The following TBXAS1 variants were observed in gnomAD, a reference collection of about 807,000 sequenced individuals.
The protein encoded by TBXAS1 is thromboxane-A synthase.
Under a neutral mutation model 60.7 loss-of-function variants are expected in TBXAS1, and 48 were observed. The ratio of observed to expected loss-of-function variants is 0.79; its 90% confidence interval spans 0.63 to 1.01. TBXAS1 has a LOEUF of 1.01. Ranked by LOEUF, TBXAS1 falls within the 50% of genes least tolerant of loss-of-function variation. The pLI, the probability that TBXAS1 is intolerant of heterozygous loss-of-function variation, is 0.00. For missense variants in TBXAS1, 685 were observed against 686.3 expected (o/e 1.00, Z 0.02); for synonymous variants, 287 against 269.7 (o/e 1.06, Z -0.63).
At chr7:139,878,663 C>G (rs1802449939) in intron 3 of TBXAS1, among the ~76,000 whole-genome samples, 1 of 152,220 alleles carries the variant, frequency 6.6e-6, no homozygotes, top group South Asian at 2.1e-4. Flanking sequence ...TTTCTTACTG[C>G]TTAAATTTTA....
At chr7:139,783,707 G>A (rs1259333993) in intron 3 of TBXAS1, among the ~76,000 whole-genome samples, 1 of 152,200 alleles carries the variant, frequency 6.6e-6, no homozygotes, top group Admixed American at 6.5e-5. Flanking sequence ...GTGGACCTGT[G>A]CATTTCTGTA....
chr7:139,845,130 C>T (rs777267228), intron 1 of TBXAS1, among the ~76,000 whole-genome samples: 2 of 152,188 alleles, frequency 1.3e-5, no homozygotes, highest in Non-Finnish European at 2.9e-5. Context: ...TTCAAAATCA[C>T]TCCTTGGCTG....
At chr7:140,019,975 G>C (rs373921613) in intron 12 of TBXAS1, 50 bp from the exon 13 acceptor site, 4 of 1,565,002 alleles carry the variant, frequency 2.6e-6, no homozygotes, top group Admixed American at 1.7e-5. Context: ...CATTTGTACA[G>C]TGAGATGCTA....
At chr7:139,886,509 C>G (rs1457667230) in intron 3 of TBXAS1, among the ~76,000 whole-genome samples, 1 of 143,548 alleles carries the variant, frequency 7.0e-6, no homozygotes, top group African/African-American at 2.6e-5. Flanking sequence ...CAATTGTGGT[C>G]TTTTTTGTTA....
At chr7:140,016,382 T>G (rs1197790428) in intron 11 of TBXAS1, 1 of 248,314 alleles carries the variant, frequency 4.0e-6, no homozygotes, top group African/African-American at 2.4e-5. Flanking sequence ...AATTATACCA[T>G]TTTTTCAAGG....
intron 9 of TBXAS1, among the ~76,000 whole-genome samples, chr7:139,992,462 C>T (rs1157190433): frequency 2.6e-5 from 4 of 152,248 alleles, no homozygotes; most frequent in Non-Finnish European, 4.4e-5. Flanking sequence ...GGGAAGCTCG[C>T]GGAGCCATGT....
intron 3 of TBXAS1, among the ~76,000 whole-genome samples, chr7:139,884,586 G>A (rs1584763653): frequency 6.6e-6 from 1 of 152,204 alleles, no homozygotes; most frequent in African/African-American, 2.4e-5. Flanking sequence ...ACTTCCTGCT[G>A]TGGGTGAAGG....
intron 1 of TBXAS1, among the ~76,000 whole-genome samples, chr7:139,866,352 A>G (rs1801417387): frequency 1.3e-5 from 2 of 152,260 alleles, no homozygotes; most frequent in Admixed American, 6.5e-5. Flanking sequence ...TAATATGTAT[A>G]TAAGAGCACT....
chr7:139,815,790 AC>A (rs1180733755), intron 4 of TBXAS1, among the ~76,000 whole-genome samples: 1 of 151,984 alleles, frequency 6.6e-6, no homozygotes, highest in African/African-American at 2.4e-5. Flanking sequence ...GGAAGAGGAA[AC>A]CCCCAGGCAG....
chr7:139,955,488 T>C lies in TBXAS1; in HGVS notation c.569T>C (p.Val190Ala), dbSNP rs1439737020. The change falls in exon 7 of 13, where the codon GTT becomes GCT. Residue 190 changes from valine to alanine, a missense_variant. Val to Ala is a moderately conservative substitution (Grantham distance 64). Transcript: ENST00000448866. ...RCYCNYTTDV[V>A]ASVAFGTPVD... is the part of the protein sequence containing the mutation. ...TACTGCAATTACACCACAGATGTGG[T>C]TGCCAGCGTCGCCTTTGGCACCCCG... 3.1e-6 allele frequency: 5 copies of C among 1,614,098 alleles called. No individual in the cohort carries two copies. The highest frequency in any genetic ancestry group is 2.7e-5 in the African/African-American group (2 of 74,938).
intron 4 of TBXAS1, among the ~76,000 whole-genome samples, chr7:139,928,530 C>T (rs1222389418): frequency 6.6e-6 from 1 of 152,164 alleles, no homozygotes; most frequent in Non-Finnish European, 1.5e-5. Flanking sequence ...ATTAACTATT[C>T]TCAGCTGTGA....
At chr7:140,012,035 G>C (rs1242412593) in intron 10 of TBXAS1, among the ~76,000 whole-genome samples, 1 of 152,194 alleles carries the variant, frequency 6.6e-6, no homozygotes, top group Non-Finnish European at 1.5e-5. Flanking sequence ...ATTTTTCATG[G>C]ATTCCAGGCA....
intron 1 of TBXAS1, among the ~76,000 whole-genome samples, chr7:139,832,378 G>A (rs541634584): frequency 6.6e-6 from 1 of 151,000 alleles, no homozygotes; most frequent in Admixed American, 6.6e-5. Flanking sequence ...TCAAAGACAA[G>A]GTCTTTGAAT....
chr7:140,016,398 A>T (rs1275006731), intron 11 of TBXAS1: 1 of 296,872 alleles, frequency 3.4e-6, no homozygotes, highest in Non-Finnish European at 6.7e-6. Flanking sequence ...CAAGGTCCAA[A>T]CTGAATCCAG....
chr7:139,800,990 A>G (rs1316551235), intron 4 of TBXAS1, among the ~76,000 whole-genome samples: 1 of 152,226 alleles, frequency 6.6e-6, no homozygotes, highest in African/African-American at 2.4e-5. Flanking sequence ...CCCCATCAAT[A>G]TCTTTTATTA....
intron 6 of TBXAS1, among the ~76,000 whole-genome samples, chr7:139,953,743 G>C (rs1809604386): frequency 6.6e-6 from 1 of 152,230 alleles, no homozygotes; most frequent in Admixed American, 6.5e-5. Flanking sequence ...CTAAGGACAG[G>C]GATGGGGGGA....
chr7:139,794,596 G>A (rs1286706244), intron 4 of TBXAS1, among the ~76,000 whole-genome samples: 1 of 150,970 alleles, frequency 6.6e-6, no homozygotes, highest in African/African-American at 2.4e-5. Flanking sequence ...CATGTGCCAT[G>A]CTGATGCACT....
intron 2 of TBXAS1, among the ~76,000 whole-genome samples, chr7:139,781,201 A>G (rs1282709200): frequency 6.6e-6 from 1 of 152,214 alleles, no homozygotes; most frequent in South Asian, 2.1e-4. Flanking sequence ...GTATGATATA[A>G]CGGAAAAATA....
chr7:139,918,195 G>A (rs1414381928), intron 4 of TBXAS1, among the ~76,000 whole-genome samples: 2 of 152,128 alleles, frequency 1.3e-5, no homozygotes, highest in African/African-American at 2.4e-5. Flanking sequence ...TCAGATTCCA[G>A]ATTTGCTACC....
Sources: allele counts gnomAD v4.1 joint callset (sites outside exome capture counted in the v4.1 genomes callset), GRCh38; gene constraint gnomAD v4.1.1; transcripts MANE v1.5; gene names NCBI Gene and HGNC (gene_info 2026-07-23, HGNC 2026-07-21).